Variants in EVI2B observed in about 807,000 individuals in gnomAD.
EVI2B encodes the protein protein EVI2B.
EVI2B carries 4 observed loss-of-function variants against 6.6 expected under a neutral mutation model. The ratio of observed to expected loss-of-function variants is 0.61; its 90% CI spans 0.30 to 1.39. EVI2B has a LOEUF of 1.39. Among genes scored for constraint, EVI2B ranks in the 40% most tolerant of loss-of-function variants. The pLI, the probability that EVI2B is intolerant of heterozygous loss-of-function variation, is 0.08. For synonymous variants in EVI2B, 181 were observed against 186.8 expected (o/e 0.97, Z 0.25); for missense variants, 484 against 516.6 (o/e 0.94, Z 0.61).
intron 1 of EVI2B, among the ~76,000 whole-genome samples, chr17:31,306,619 A>G (rs553397190): frequency 6.6e-6 from 1 of 152,218 alleles, no homozygotes; most frequent in Non-Finnish European, 1.5e-5. Flanking sequence ...TTATGTTAAT[A>G]TTGCATATTT....
At chr17:31,310,541 C>G (rs1479713646) in intron 1 of EVI2B, among the ~76,000 whole-genome samples, 1 of 152,090 alleles carries the variant, frequency 6.6e-6, no homozygotes, top group East Asian at 1.9e-4. Context: ...AGCTTGCTTT[C>G]TAAAATGGAG....
rs2068695094 is a variant in EVI2B at position 31,305,537 on chromosome 17, T to C, written c.73A>G (p.Thr25Ala). Residue 25 changes from threonine to alanine, a missense_variant, in exon 2 of 2, where the codon ACA becomes GCA. Coordinates refer to ENST00000330927, the MANE Select transcript of EVI2B (RefSeq NM_006495.4). ...LNNTFFSKTETITTEKQSQPT... is the reference protein window; with the variant it reads ...LNNTFFSKTEAITTEKQSQPT... ...TGTGACTGCTTCTCTGTTGTAATTG[T>C]CTCTGTCTTTGAAAAAAATGTATTG... 6.2e-7 allele frequency: 1 copy of C among 1,614,154 alleles called. No homozygotes were observed.
Position 31,304,152 on chromosome 17 carries a change from C to G in EVI2B, c.*111G>C. ...GGCTCTGAGCAGATTTCAGATAGTT[C>G]CTGAATAAAAATCAAAATTGACTAT... On this transcript the variant is annotated 3_prime_UTR_variant, in exon 2 of 2. Coordinates refer to ENST00000330927, the MANE Select transcript of EVI2B (RefSeq NM_006495.4). The G allele has an allele frequency of 9.0e-7, 1 of 1,116,926 alleles. No individual in the cohort carries two copies. The highest frequency in any genetic ancestry group is 1.3e-6 in the Non-Finnish European group (1 of 789,584). 69.2% of individuals were successfully genotyped at this position (1,116,926 alleles called of 1,614,324 possible).
At chr17:31,312,443 G>A (rs2068901067) in intron 1 of EVI2B, among the ~76,000 whole-genome samples, 1 of 151,554 alleles carries the variant, frequency 6.6e-6, no homozygotes, top group African/African-American at 2.4e-5. Flanking sequence ...CCTGGGAGGC[G>A]GAGGTTGCAG....
chr17:31,311,415 A>G (rs1360323376), intron 1 of EVI2B, among the ~76,000 whole-genome samples: 1 of 152,252 alleles, frequency 6.6e-6, no homozygotes, highest in Non-Finnish European at 1.5e-5. Flanking sequence ...AGATAGCTGT[A>G]TCAATTACTT....
chr17:31,311,789 G>C (rs2151517721), intron 1 of EVI2B, among the ~76,000 whole-genome samples: 1 of 152,302 alleles, frequency 6.6e-6, no homozygotes, highest in South Asian at 2.1e-4. Flanking sequence ...TCTTGTGCCA[G>C]AACCGTTTCT....
intron 1 of EVI2B, among the ~76,000 whole-genome samples, chr17:31,306,396 A>C (rs907236051): frequency 6.6e-6 from 1 of 152,124 alleles, no homozygotes; most frequent in African/African-American, 2.4e-5. Context: ...TATTTTATAT[A>C]TATAGATAGA....
Position 31,305,218 on chromosome 17 carries a change from G to A in EVI2B, c.392C>T (p.Ala131Val). The A allele has an allele frequency of 6.2e-7, 1 of 1,614,186 alleles. No individual in the cohort carries two copies. Among genetic ancestry groups the A allele is most frequent in the South Asian group, 1.1e-5 (1 of 91,080 alleles). The change falls in exon 2 of 2, where the codon GCC becomes GTC. Residue 131 changes from alanine to valine, a missense_variant. Ala to Val is a moderately conservative substitution (Grantham distance 64, BLOSUM62 0). Transcript: ENST00000330927. ...VFTSARQLPS[A>V]RTSTTQPPKS... ...TGGTGGTTGTGTGGTAGAAGTACGGGCAGATGGTAGTTGTCTGGCAGAGGT... is the reference window on the plus strand; with the variant it reads ...TGGTGGTTGTGTGGTAGAAGTACGGACAGATGGTAGTTGTCTGGCAGAGGT...
At chr17:31,311,429 T>C (rs1223622051) in intron 1 of EVI2B, among the ~76,000 whole-genome samples, 2 of 152,200 alleles carry the variant, frequency 1.3e-5, no homozygotes, top group Non-Finnish European at 2.9e-5. Context: ...ATTACTTTGA[T>C]ATAATAAAAG....
Position 31,304,253 on chromosome 17 carries a change from G to C in EVI2B, c.*10C>G, listed in dbSNP as rs1266297386. The C allele has an allele frequency of 6.4e-7, 1 of 1,571,764 alleles. No individual in the cohort carries two copies. Among genetic ancestry groups the C allele is most frequent in the Admixed American group, 1.9e-5 (1 of 51,576 alleles). On this transcript the variant is annotated 3_prime_UTR_variant, in exon 2 of 2. Transcript: ENST00000330927. ...GGATGGAAGATCAGCTAAAAAGCAAGTTGTAATATTTATAACAGTTCTGCA... is the reference window on the plus strand; with the variant it reads ...GGATGGAAGATCAGCTAAAAAGCAACTTGTAATATTTATAACAGTTCTGCA...
Position 31,305,390 on chromosome 17 carries a change from C to A in EVI2B, c.220G>T (p.Ala74Ser). 6.2e-7 allele frequency: 1 copy of A among 1,614,132 alleles called. No individual in the cohort carries two copies. The highest frequency in any genetic ancestry group is 8.5e-7 in the Non-Finnish European group (1 of 1,180,012). The change falls in exon 2 of 2, where the codon GCC (alanine) becomes TCC (serine). Residue 74 changes from alanine to serine, a missense_variant. Ala to Ser is a moderately conservative substitution (Grantham distance 99, BLOSUM62 1). Transcript: ENST00000330927. ...DTFSGQSISP[A>S]KVTAGQPTPA... ...GTTGGTTGTCCAGCAGTGACTTTGG[C>A]AGGTGATATTGATTGTCCAGAAAAA...
chr17:31,307,896 A>G, intron 1 of EVI2B: 1 of 1,289,242 alleles, frequency 7.8e-7, no homozygotes, highest in African/African-American at 1.5e-5. Context: ...CCTTTTCAGC[A>G]TATCTAAACA....
chr17:31,308,190 T>C (rs1416491626), intron 1 of EVI2B, among the ~76,000 whole-genome samples: 2 of 151,782 alleles, frequency 1.3e-5, no homozygotes, highest in African/African-American at 4.8e-5. Context: ...CAGGCTGGAG[T>C]GCAGTGGCAT....
In EVI2B at chr17:31,305,013, A is replaced by G. The variant is rs2068673345; in HGVS notation, c.597T>C (p.Asn199=). ...TSNKQTPQKN[N]YNSIAAILIG... ...TTAGTATGGCAGCTATTGAATTATA[A>G]TTGTTTTTTTGTGGGGTTTGTTTGT... The change falls in exon 2 of 2, where the codon AAT becomes AAC. Residue 199 remains asparagine, a synonymous_variant. Transcript: ENST00000330927. 6.2e-7 allele frequency: 1 copy of G among 1,614,176 alleles called. No individual in the cohort carries two copies. The highest frequency in any genetic ancestry group is 8.5e-7 in the Non-Finnish European group (1 of 1,180,036).
At chr17:31,308,909 C>T (rs1009951415) in intron 1 of EVI2B, among the ~76,000 whole-genome samples, 3 of 152,208 alleles carry the variant, frequency 2.0e-5, no homozygotes, top group Admixed American at 6.5e-5. Context: ...CCTATACCTA[C>T]TTCCTTGAAC....
intron 1 of EVI2B, among the ~76,000 whole-genome samples, chr17:31,311,979 A>C (rs773867565): frequency 9.8e-5 from 15 of 152,342 alleles, no homozygotes; most frequent in Non-Finnish European, 1.8e-4. Flanking sequence ...TCCTGATTCT[A>C]CGAAAACTAT....
chr17:31,313,728 G>A (rs938822216), intron 1 of EVI2B, among the ~76,000 whole-genome samples: 1 of 41,448 alleles, frequency 2.4e-5, no homozygotes, highest in African/African-American at 4.7e-5. Context: ...AAATATGTGT[G>A]TGTGTGTGTG....
rs558351103 is a variant in EVI2B at position 31,312,646 on chromosome 17, A to G, written c.-22+1333T>C. 1.1e-4 allele frequency among the ~76,000 whole-genome samples: 16 copies of G among 152,288 alleles called. No individual in the cohort carries two copies. The East Asian group carries it at 2.9e-3, about 27-fold the overall frequency. ...ATATAATTTTATGACTTTATGCATAATGAAATAAACTAAATATTAGAAGTA... is the reference window on the plus strand; with the variant it reads ...ATATAATTTTATGACTTTATGCATAGTGAAATAAACTAAATATTAGAAGTA... On this transcript the variant is annotated intron_variant, in intron 1 of 1. Coordinates refer to ENST00000330927, the MANE Select transcript of EVI2B (RefSeq NM_006495.4).
chr17:31,304,923 C>T lies in EVI2B; in HGVS notation c.687G>A (p.Arg229=), dbSNP rs558600729. ...AATTTTGATCATTTAAAACTGGTTT[C>T]CTTAAGCATTTCCAAAGTACAATGA... ...IIIIVLWKCL[R]KPVLNDQNWA... is the part of the protein sequence containing the mutation. The change falls in exon 2 of 2, where the codon AGG becomes AGA. Residue 229 remains arginine, a synonymous_variant. Coordinates refer to ENST00000330927, the MANE Select transcript of EVI2B (RefSeq NM_006495.4). 14 of 1,614,096 alleles carry T rather than the reference C, an allele frequency of 8.7e-6. No homozygotes were observed. In the African/African-American group the frequency reaches 1.3e-4, roughly 15 times the overall value.
Sources: gnomAD v4.1 joint callset for allele counts (sites outside exome capture counted in the v4.1 genomes callset) on GRCh38, gnomAD v4.1.1 for gene constraint, MANE v1.5 for transcripts, NCBI Gene and HGNC (gene_info 2026-07-23, HGNC 2026-07-21) for gene names.